MTBP: variants seen among roughly 807,000 people sequenced by gnomAD.
MTBP encodes MDM2 binding protein.
In MTBP, 101 loss-of-function variants were observed where a neutral mutation model predicts 117.0. The observed-to-expected ratio is 0.86, with a 90% CI of 0.73 to 1.02. The LOEUF (loss-of-function observed/expected upper bound fraction) is 1.02. Among genes scored for constraint, MTBP ranks in the 50% least tolerant of loss-of-function variants. MTBP has a pLI of 0.00. For missense variants in MTBP, 970 were observed against 1,030.9 expected (o/e 0.94, Z 0.81); for synonymous variants, 350 against 351.5 (o/e 1.00, Z 0.05).
chr8:120,518,198 TGAAACGATGTCTA>T, intron 19 of MTBP, 98 bp downstream of exon 19: 1 of 1,302,876 alleles, frequency 7.7e-7, no homozygotes, highest in South Asian at 1.6e-5. Context: ...ATGAATGAAA[TGAAACGATGTCTA>T]GAATTTACTG....
At position 120,497,535 on chromosome 8, in the gene MTBP, A is replaced by C; in HGVS notation, c.1590A>C (p.Lys530Asn). The C allele has an allele frequency of 6.6e-7, 1 of 1,524,368 alleles. No individual in the cohort carries two copies. The highest frequency in any genetic ancestry group is 9.0e-7 in the Non-Finnish European group (1 of 1,113,518). 94.4% of individuals were successfully genotyped at this position (1,524,368 alleles called of 1,614,324 possible). Residue 530 changes from lysine (K) to asparagine (N), a missense_variant, in exon 14 of 22, where the codon AAA (lysine) becomes AAC (asparagine). Transcript: ENST00000305949. ...TTCTAAGAAAGATGGACAAAATTAA[A>C]ACCTTCAATATATTAAATGGTAAGT... ...KMILRKMDKI[K>N]TFNILNDFSP...
chr8:120,499,122 TA>T lies in MTBP; in HGVS notation c.1609+1573del, dbSNP rs1207922042. 4.6e-5 allele frequency among the ~76,000 whole-genome samples: 7 copies of T among 152,300 alleles called. No individual in the cohort carries two copies. The South Asian group carries it at 1.5e-3, about 32-fold the overall frequency. On this transcript the variant is annotated intron_variant, in intron 14 of 21. Coordinates refer to ENST00000305949, the MANE Select transcript of MTBP (RefSeq NM_022045.5). ...AATGCATCATCCTTCATATGGTTTG[TA>T]AAAACCTTAAATGGTATCTGGCTTC...
intron 5 of MTBP, among the ~76,000 whole-genome samples, chr8:120,454,221 A>G (rs982627613): frequency 1.3e-5 from 2 of 152,132 alleles, no homozygotes; most frequent in African/African-American, 2.4e-5. Flanking sequence ...AGTATGTTCT[A>G]TAGAAGACTA....
At chr8:120,480,628 G>A (rs577903530) in intron 11 of MTBP, among the ~76,000 whole-genome samples, 67 of 152,240 alleles carry the variant, frequency 4.4e-4, no homozygotes, top group African/African-American at 1.4e-3. Flanking sequence ...GATGCCAATG[G>A]CGAAAGGACA....
intron 10 of MTBP, among the ~76,000 whole-genome samples, chr8:120,465,369 A>G (rs777727484): frequency 1.8e-4 from 28 of 152,318 alleles, no homozygotes; most frequent in Admixed American, 1.8e-3. Flanking sequence ...ACAGCTCTTA[A>G]TATTGTAAAC....
At position 120,518,860 on chromosome 8, in the gene MTBP, C is replaced by G. The variant is rs759904969; in HGVS notation, c.2610+43C>G. 1.7e-5 allele frequency: 22 copies of G among 1,318,470 alleles called. No homozygotes were observed. In the African/African-American group the frequency reaches 3.1e-4, roughly 19 times the overall value. The allele number at this position is 1,318,470 out of a possible 1,614,324, so 81.7% of individuals were successfully genotyped here. A position where few individuals can be genotyped will look rare whatever the true frequency, so the allele number is the denominator to read the frequency against. On this transcript the variant is annotated intron_variant, in intron 20 of 21. Transcript: ENST00000305949. ...CTAATGGCAAAATTTAGTTCATGTT[C>G]TAATGTTCCTGTTTGACATAAAAAA... is the stretch of plus-strand genomic sequence containing the variant.
chr8:120,478,010 C>T (rs924012245), intron 11 of MTBP, among the ~76,000 whole-genome samples: 12 of 152,168 alleles, frequency 7.9e-5, no homozygotes, highest in Non-Finnish European at 1.2e-4. Flanking sequence ...ACTCAAATGC[C>T]CATCAATGAT....
chr8:120,508,465 G>A (rs530643303), intron 16 of MTBP, among the ~76,000 whole-genome samples: 37 of 152,176 alleles, frequency 2.4e-4, no homozygotes, highest in East Asian at 1.4e-3. Flanking sequence ...AATAATCATC[G>A]AAATACTGGG....
chr8:120,476,540 T>C (rs1389437565), intron 11 of MTBP, among the ~76,000 whole-genome samples: 1 of 152,060 alleles, frequency 6.6e-6, no homozygotes, highest in Non-Finnish European at 1.5e-5. Context: ...CTTAAGCTGA[T>C]AAACAACTTC....
chr8:120,465,975 AGTT>A (rs1813680091), intron 10 of MTBP, among the ~76,000 whole-genome samples: 1 of 152,024 alleles, frequency 6.6e-6, no homozygotes. Context: ...ATATATTTTC[AGTT>A]GTTTTGTTTT....
intron 2 of MTBP, among the ~76,000 whole-genome samples, chr8:120,447,546 G>A (rs1021234065): frequency 9.9e-5 from 15 of 151,870 alleles, no homozygotes; most frequent in African/African-American, 3.4e-4. Flanking sequence ...TTATACACAC[G>A]GTCCTTGTTT....
intron 17 of MTBP, among the ~76,000 whole-genome samples, chr8:120,511,335 C>T (rs974850647): frequency 1.3e-5 from 2 of 152,178 alleles, no homozygotes; most frequent in African/African-American, 4.8e-5. Flanking sequence ...CTCACTTTTT[C>T]ACCCAGGCTG....
intron 6 of MTBP, among the ~76,000 whole-genome samples, chr8:120,455,926 A>G (rs1225466654): frequency 6.6e-6 from 1 of 152,108 alleles, no homozygotes; most frequent in African/African-American, 2.4e-5. Flanking sequence ...AGGAATAAAT[A>G]TACACTGTTG....
At chr8:120,501,190 CAAAAAAA>C (rs59706254) in intron 14 of MTBP, among the ~76,000 whole-genome samples, 2 of 45,952 alleles carry the variant, frequency 4.4e-5, no homozygotes, top group Non-Finnish European at 3.8e-5. Flanking sequence ...AACTCCATCT[CAAAAAAA>C]AAAAAAAAAA....
intron 18 of MTBP, 78 bp downstream of exon 18, chr8:120,516,269 T>C (rs1426849580): frequency 8.0e-7 from 1 of 1,253,444 alleles, no homozygotes; most frequent in Non-Finnish European, 1.1e-6. Context: ...TATTTTATAT[T>C]AGTCTTTCAG....
At chr8:120,462,057 G>A (rs1813591595) in intron 9 of MTBP, among the ~76,000 whole-genome samples, 1 of 152,110 alleles carries the variant, frequency 6.6e-6, no homozygotes, top group African/African-American at 2.4e-5. Flanking sequence ...TTTGGCTTGG[G>A]GGTGTTGAGG....
At chr8:120,522,607 G>C in intron 20 of MTBP, 47 bp from the exon 21 acceptor site, 1 of 1,235,652 alleles carries the variant, frequency 8.1e-7, no homozygotes, top group Non-Finnish European at 1.2e-6. Flanking sequence ...GTTGTTCTTT[G>C]TAATTTAATG....
intron 12 of MTBP, 47 bp downstream of exon 12, chr8:120,488,379 G>A: frequency 7.1e-7 from 1 of 1,406,066 alleles, no homozygotes; most frequent in South Asian, 1.7e-5. Flanking sequence ...TTGTTTGTGT[G>A]TGTGGTTAGC....
intron 10 of MTBP, among the ~76,000 whole-genome samples, chr8:120,467,127 T>C (rs937772107): frequency 1.4e-4 from 21 of 152,186 alleles, no homozygotes; most frequent in Non-Finnish European, 2.9e-4. Flanking sequence ...TAAAAACTTC[T>C]TGGAGTAAAG....
Sources: allele counts gnomAD v4.1 joint callset (sites outside exome capture counted in the v4.1 genomes callset), GRCh38; gene constraint gnomAD v4.1.1; transcripts MANE v1.5; gene names NCBI Gene and HGNC (gene_info 2026-07-23, HGNC 2026-07-21).